Variants in RCL1 observed in about 807,000 individuals in gnomAD.
The protein encoded by RCL1 is RNA 3'-terminal phosphate cyclase-like protein.
In RCL1, 24 loss-of-function variants were observed where a neutral mutation model predicts 42.4. The observed-to-expected ratio is 0.57, with a 90% CI of 0.41 to 0.80. The LOEUF (loss-of-function observed/expected upper bound fraction) is 0.80, where lower values mean the gene tolerates loss of function less well. Among genes scored for constraint, RCL1 ranks in the 30% least tolerant of loss-of-function variants. RCL1 has a pLI of 0.00. For missense variants in RCL1, 578 were observed against 467.9 expected (o/e 1.24, Z -2.17); for synonymous variants, 228 against 177.3 (o/e 1.29, Z -2.27).
At chr9:4,816,162 G>GAA (rs1159013706) in intron 1 of RCL1, among the ~76,000 whole-genome samples, 1 of 152,130 alleles carries the variant, frequency 6.6e-6, no homozygotes, top group African/African-American at 2.4e-5. Flanking sequence ...CCTCTTTTAT[G>GAA]AAGTCTCCAT....
chr9:4,815,245 A>G (rs768459764), intron 1 of RCL1, among the ~76,000 whole-genome samples: 3 of 152,130 alleles, frequency 2.0e-5, no homozygotes, highest in Admixed American at 6.6e-5. Context: ...CATAACATGA[A>G]CATTTGTTTG....
intron 8 of RCL1, among the ~76,000 whole-genome samples, chr9:4,857,675 G>C (rs984610338): frequency 4.6e-5 from 7 of 152,148 alleles, no homozygotes; most frequent in African/African-American, 1.7e-4. Flanking sequence ...TTAACATTTT[G>C]AGGAACTGCC....
chr9:4,829,451 G>A (rs1259934795), intron 3 of RCL1, among the ~76,000 whole-genome samples: 2 of 152,250 alleles, frequency 1.3e-5, no homozygotes, highest in Non-Finnish European at 2.9e-5. Context: ...GAGGAAAATT[G>A]CAGTAGGATA....
intron 3 of RCL1, among the ~76,000 whole-genome samples, chr9:4,830,100 A>T (rs181389644): frequency 1.3e-5 from 2 of 152,274 alleles, no homozygotes; most frequent in Non-Finnish European, 1.5e-5. Context: ...ATCAAGTTCT[A>T]AGAAGTCAGG....
At chr9:4,856,149 G>T (rs1329058781) in intron 8 of RCL1, among the ~76,000 whole-genome samples, 9 of 152,238 alleles carry the variant, frequency 5.9e-5, no homozygotes, top group African/African-American at 2.2e-4. Context: ...CCGCCAGCTG[G>T]AAGCTTTGCC....
At chr9:4,804,343 T>C (rs1202257054) in intron 1 of RCL1, 1 of 152,344 alleles carries the variant, frequency 6.6e-6, no homozygotes, top group African/African-American at 2.4e-5. Context: ...GGGCCAGACG[T>C]TGGAGGCCTG....
At chr9:4,809,652 G>C (rs1021526345) in intron 1 of RCL1, among the ~76,000 whole-genome samples, 7 of 152,162 alleles carry the variant, frequency 4.6e-5, no homozygotes, top group Non-Finnish European at 1.5e-5. Context: ...TGGAATGCGA[G>C]ATCGAATCAA....
intron 5 of RCL1, among the ~76,000 whole-genome samples, chr9:4,837,316 C>G (rs1332541935): frequency 6.6e-6 from 1 of 152,044 alleles, no homozygotes; most frequent in Non-Finnish European, 1.5e-5. Context: ...CGGTTAATGG[C>G]TTTAACCACA....
intron 5 of RCL1, chr9:4,839,927 G>A (rs1359635255): frequency 2.0e-6 from 2 of 985,390 alleles, no homozygotes; most frequent in Non-Finnish European, 2.4e-6. Flanking sequence ...TGGGACCTCG[G>A]GCTGGGAGAA....
At chr9:4,855,668 C>A (rs1057265273) in intron 8 of RCL1, among the ~76,000 whole-genome samples, 1 of 151,814 alleles carries the variant, frequency 6.6e-6, no homozygotes, top group Admixed American at 6.6e-5. Flanking sequence ...CATTTTTGCT[C>A]TTCAATATCC....
chr9:4,840,774 G>A (rs1424019139), intron 5 of RCL1, among the ~76,000 whole-genome samples: 1 of 152,160 alleles, frequency 6.6e-6, no homozygotes, highest in Non-Finnish European at 1.5e-5. Flanking sequence ...GGATCGCCCA[G>A]GTCCTGTGTG....
chr9:4,851,751 C>G (rs1817757218), intron 8 of RCL1, among the ~76,000 whole-genome samples: 1 of 133,630 alleles, frequency 7.5e-6, no homozygotes, highest in African/African-American at 2.8e-5. Context: ...AAAAAAAAAG[C>G]ATTTCTTCAA....
At chr9:4,852,531 A>G (rs1817787333) in intron 8 of RCL1, among the ~76,000 whole-genome samples, 1 of 152,192 alleles carries the variant, frequency 6.6e-6, no homozygotes, top group African/African-American at 2.4e-5. Context: ...TTAAGGCTCT[A>G]CCACGCGCTA....
chr9:4,802,823 TTTG>T (rs933715260), intron 1 of RCL1, among the ~76,000 whole-genome samples: 5 of 152,022 alleles, frequency 3.3e-5, no homozygotes, highest in African/African-American at 1.2e-4. Flanking sequence ...TAAGTTTTGT[TTTG>T]TTTTGTTTTT....
At chr9:4,810,156 C>CATTTTG (rs1487773819) in intron 1 of RCL1, among the ~76,000 whole-genome samples, 8 of 152,130 alleles carry the variant, frequency 5.3e-5, no homozygotes, top group Non-Finnish European at 1.0e-4. Context: ...GGTATTTTTT[C>CATTTTG]TTTCAACTTT....
chr9:4,799,198 T>C (rs563646333), intron 1 of RCL1, among the ~76,000 whole-genome samples: 3 of 151,470 alleles, frequency 2.0e-5, no homozygotes, highest in Non-Finnish European at 1.5e-5. Flanking sequence ...GATCTCAAAC[T>C]ACTGGCGTCC....
At chr9:4,795,514 C>T (rs1842899980) in intron 1 of RCL1, among the ~76,000 whole-genome samples, 1 of 152,088 alleles carries the variant, frequency 6.6e-6, no homozygotes. Context: ...TAGATGTAGT[C>T]CCTGACACAT....
chr9:4,851,692 A>G (rs150751605), intron 8 of RCL1, among the ~76,000 whole-genome samples: 2 of 151,902 alleles, frequency 1.3e-5, no homozygotes, highest in East Asian at 1.9e-4. Context: ...GTTTTGTGAA[A>G]CCTCAGATTT....
intron 8 of RCL1, among the ~76,000 whole-genome samples, chr9:4,854,495 A>G (rs1817865707): frequency 6.6e-6 from 1 of 152,162 alleles, no homozygotes; most frequent in Non-Finnish European, 1.5e-5. Context: ...CATAGTAACC[A>G]GGTGGCTTAG....
Sources: gnomAD v4.1 joint callset for allele counts (sites outside exome capture counted in the v4.1 genomes callset) on GRCh38, gnomAD v4.1.1 for gene constraint, MANE v1.5 for transcripts, NCBI Gene and HGNC (gene_info 2026-07-23, HGNC 2026-07-21) for gene names.